RSRC1: variants seen among roughly 807,000 people sequenced by gnomAD.
The protein encoded by RSRC1 is arginine and serine rich coiled-coil 1.
A neutral mutation model predicts 49.1 loss-of-function variants in RSRC1; 39 were observed. That is an observed-to-expected ratio of 0.79 (90% CI 0.61 to 1.04). The LOEUF is 1.04. Ranked by LOEUF, RSRC1 falls within the 50% of genes least tolerant of loss-of-function variation. The probability of loss-of-function intolerance (pLI) is 0.00; values close to 1 mark genes in which losing one functional copy is unlikely to be tolerated. For missense variants in RSRC1, 388 were observed against 402.4 expected (o/e 0.96, Z 0.31); for synonymous variants, 143 against 130.8 (o/e 1.09, Z -0.63).
At chr3:158,194,508 T>A (rs1018527843) in intron 3 of RSRC1, among the ~76,000 whole-genome samples, 3 of 150,462 alleles carry the variant, frequency 2.0e-5, no homozygotes, top group African/African-American at 7.4e-5. Context: ...TTTTTTTTTT[T>A]AATTATACAT....
chr3:158,334,626 A>G (rs993279065), intron 5 of RSRC1, among the ~76,000 whole-genome samples: 1 of 149,978 alleles, frequency 6.7e-6, no homozygotes, highest in Admixed American at 6.7e-5. Flanking sequence ...GATTATAGGC[A>G]CATGACACCA....
At chr3:158,508,537 C>T (rs1279681903) in intron 7 of RSRC1, among the ~76,000 whole-genome samples, 3 of 151,928 alleles carry the variant, frequency 2.0e-5, no homozygotes, top group Non-Finnish European at 4.4e-5. Context: ...AGTCGCCCCC[C>T]GCCCTTATCT....
chr3:158,128,973 G>T (rs1017523949), intron 3 of RSRC1, among the ~76,000 whole-genome samples: 2 of 152,122 alleles, frequency 1.3e-5, no homozygotes, highest in African/African-American at 4.8e-5. Flanking sequence ...ATATCAAGGG[G>T]TCTGTGATAC....
intron 3 of RSRC1, among the ~76,000 whole-genome samples, chr3:158,184,850 G>C (rs1436009174): frequency 2.0e-5 from 3 of 151,864 alleles, no homozygotes; most frequent in Admixed American, 6.6e-5. Context: ...GTCCCAATAA[G>C]TTTCTATTTC....
intron 7 of RSRC1, among the ~76,000 whole-genome samples, chr3:158,490,172 C>T (rs1472680737): frequency 2.0e-5 from 3 of 152,178 alleles, no homozygotes; most frequent in East Asian, 1.9e-4. Context: ...GCAAGCTCCT[C>T]CTCCAGGGTT....
chr3:158,167,213 G>A (rs533776962), intron 3 of RSRC1, among the ~76,000 whole-genome samples: 9 of 152,002 alleles, frequency 5.9e-5, no homozygotes, highest in African/African-American at 2.2e-4. Flanking sequence ...TTGAAGTGGG[G>A]TCTCACTCTG....
intron 3 of RSRC1, among the ~76,000 whole-genome samples, chr3:158,192,394 A>G (rs755488630): frequency 6.6e-6 from 1 of 152,108 alleles, no homozygotes; most frequent in Non-Finnish European, 1.5e-5. Context: ...GAGCACAATT[A>G]GTTTGGAAAA....
At chr3:158,513,893 A>T (rs1212783875) in intron 7 of RSRC1, among the ~76,000 whole-genome samples, 1 of 152,132 alleles carries the variant, frequency 6.6e-6, no homozygotes, top group East Asian at 1.9e-4. Flanking sequence ...TAGATTTTCT[A>T]GTTTATTTGC....
chr3:158,173,318 A>T (rs530442966), intron 3 of RSRC1, among the ~76,000 whole-genome samples: 2 of 151,958 alleles, frequency 1.3e-5, no homozygotes, highest in African/African-American at 2.4e-5. Context: ...TCGTAACTCT[A>T]TAGAATCTGA....
chr3:158,526,460 T>C (rs912250285), intron 7 of RSRC1, among the ~76,000 whole-genome samples: 1 of 151,980 alleles, frequency 6.6e-6, no homozygotes, highest in African/African-American at 2.4e-5. Flanking sequence ...CTAAGGCACT[T>C]GCAAACACAA....
At chr3:158,428,131 T>C (rs1735565637) in intron 6 of RSRC1, among the ~76,000 whole-genome samples, 1 of 151,800 alleles carries the variant, frequency 6.6e-6, no homozygotes, top group Non-Finnish European at 1.5e-5. Context: ...ATATTGTTTG[T>C]TCTCCTTCCC....
chr3:158,337,466 C>T (rs948973166), intron 5 of RSRC1, among the ~76,000 whole-genome samples: 3 of 152,206 alleles, frequency 2.0e-5, no homozygotes, highest in African/African-American at 7.2e-5. Context: ...GCCCTTGCTT[C>T]TTAATGCTGA....
intron 6 of RSRC1, among the ~76,000 whole-genome samples, chr3:158,416,182 T>C (rs1192211686): frequency 1.3e-5 from 2 of 152,014 alleles, no homozygotes; most frequent in Non-Finnish European, 2.9e-5. Context: ...TCTTCTATTT[T>C]TTTTTATCTT....
At chr3:158,400,410 T>C (rs779436283) in intron 6 of RSRC1, among the ~76,000 whole-genome samples, 1 of 151,400 alleles carries the variant, frequency 6.6e-6, no homozygotes, top group South Asian at 2.1e-4. Context: ...GTGTTCACTT[T>C]CTGTGTATAA....
chr3:158,273,033 A>G (rs545538163), intron 4 of RSRC1, among the ~76,000 whole-genome samples: 1 of 152,100 alleles, frequency 6.6e-6, no homozygotes, highest in Non-Finnish European at 1.5e-5. Flanking sequence ...AGGTTAAAAA[A>G]AAGAACCTGT....
chr3:158,473,950 A>G (rs1738256829), intron 7 of RSRC1, among the ~76,000 whole-genome samples: 2 of 152,160 alleles, frequency 1.3e-5, no homozygotes, highest in Admixed American at 6.5e-5. Flanking sequence ...TTAGGATATT[A>G]TTATCTATTA....
At chr3:158,508,272 A>G (rs1257714784) in intron 7 of RSRC1, among the ~76,000 whole-genome samples, 1 of 151,910 alleles carries the variant, frequency 6.6e-6, no homozygotes, top group African/African-American at 2.4e-5. Flanking sequence ...AGATCTTCCT[A>G]TTTCTGTTAT....
intron 4 of RSRC1, among the ~76,000 whole-genome samples, chr3:158,238,042 C>A (rs921414723): frequency 6.6e-6 from 1 of 152,126 alleles, no homozygotes; most frequent in East Asian, 1.9e-4. Flanking sequence ...AATCAATGTG[C>A]AAAAATCACA....
intron 3 of RSRC1, among the ~76,000 whole-genome samples, chr3:158,186,729 G>C (rs1316938718): frequency 1.3e-5 from 2 of 151,850 alleles, no homozygotes; most frequent in Admixed American, 1.3e-4. Flanking sequence ...TGGCATAGTG[G>C]GTGGGTTATA....
Sources: gnomAD v4.1 joint callset for allele counts (sites outside exome capture counted in the v4.1 genomes callset) on GRCh38, gnomAD v4.1.1 for gene constraint, MANE v1.5 for transcripts, NCBI Gene and HGNC (gene_info 2026-07-23, HGNC 2026-07-21) for gene names.